The following TOP1 variants were observed in gnomAD, a reference collection of about 807,000 sequenced individuals.
TOP1 encodes the protein DNA topoisomerase I.
In TOP1, 10 loss-of-function variants were observed where a neutral mutation model predicts 111.1. That is an observed-to-expected ratio of 0.09 (90% CI 0.06 to 0.15). The LOEUF (loss-of-function observed/expected upper bound fraction) is 0.15. Among genes scored for constraint, TOP1 ranks in the 10% least tolerant of loss-of-function variants. The probability of loss-of-function intolerance (pLI) is 1.00; values close to 1 mark genes in which losing one functional copy is unlikely to be tolerated. For synonymous variants in TOP1, 271 were observed against 302.9 expected (o/e 0.89, Z 1.10); for missense variants, 474 against 926.7 (o/e 0.51, Z 6.34).
In TOP1 at chr20:41,080,466, ATTAT is replaced by A. The variant is rs2033776396; in HGVS notation, c.431+290_431+293del. ...ATAATACAGAATTCATGAAGAATAA[ATTAT>A]TTAAGTTACTTAAAATTTCTTATTG... On this transcript the variant is annotated intron_variant, in intron 6 of 20. Coordinates refer to ENST00000361337, the MANE Select transcript of TOP1 (RefSeq NM_003286.4). The surrounding 1 kb of genome is among the most constrained non-coding windows in gnomAD (Gnocchi z 5.0). 6.6e-6 allele frequency among the ~76,000 whole-genome samples: 1 copy of A among 152,222 alleles called. No individual in the cohort carries two copies. Among genetic ancestry groups the A allele is most frequent in the South Asian group, 2.1e-4 (1 of 4,836 alleles).
intron 9 of TOP1, among the ~76,000 whole-genome samples, chr20:41,093,896 C>T (rs1481557506): frequency 6.6e-6 from 1 of 151,886 alleles, no homozygotes; most frequent in Non-Finnish European, 1.5e-5. Flanking sequence ...TTTAAAATGC[C>T]ATATTTATTA....
At position 41,118,792 on chromosome 20, in the gene TOP1, A is replaced by T. The variant is rs2034374382; in HGVS notation, c.1950+496A>T. ...ATATTTTTATATAGTTCATCATCAA[A>T]CATCTGTTGAATACTGGCCGTGTGC... On this transcript the variant is annotated intron_variant, in intron 18 of 20. Transcript: ENST00000361337. This position sits in a 1 kb window ranked among gnomAD's most constrained non-coding sequence, Gnocchi z 4.6. 6.6e-6 allele frequency among the ~76,000 whole-genome samples: 1 copy of T among 152,246 alleles called. No individual in the cohort carries two copies. The highest frequency in any genetic ancestry group is 1.5e-5 in the Non-Finnish European group (1 of 68,040).
Position 41,032,017 on chromosome 20 carries a change from C to T in TOP1, c.58+2562C>T, listed in dbSNP as rs972743058. 6.6e-6 allele frequency among the ~76,000 whole-genome samples: 1 copy of T among 151,922 alleles called. No individual in the cohort carries two copies. The highest frequency in any genetic ancestry group is 1.5e-5 in the Non-Finnish European group (1 of 67,990). ...GCTATCTCAAGTAATACATTGTTAA[C>T]CAGTGATTGATTTATGTAACTATGA... is the stretch of plus-strand genomic sequence containing the variant. On this transcript the variant is annotated intron_variant, in intron 2 of 20. Transcript: ENST00000361337. This position sits in a 1 kb window ranked among gnomAD's most constrained non-coding sequence, Gnocchi z 4.3.
At chr20:41,064,989 C>T (rs1328270777) in intron 3 of TOP1, among the ~76,000 whole-genome samples, 3 of 152,084 alleles carry the variant, frequency 2.0e-5, no homozygotes, top group African/African-American at 7.2e-5. Flanking sequence ...ACTGCTATCT[C>T]CACCTCCCAG....
chr20:41,074,966 A>C (rs2033708760), intron 3 of TOP1, among the ~76,000 whole-genome samples: 1 of 152,088 alleles, frequency 6.6e-6, no homozygotes, highest in Non-Finnish European at 1.5e-5. Flanking sequence ...CAGTTATTTT[A>C]TTATATTCCT....
chr20:41,068,675 A>C (rs1472270864), intron 3 of TOP1, among the ~76,000 whole-genome samples: 1 of 152,240 alleles, frequency 6.6e-6, no homozygotes, highest in African/African-American at 2.4e-5. Flanking sequence ...GGTTACAGGC[A>C]TGAGCCACCA....
At chr20:41,074,684 T>G (rs891954793) in intron 3 of TOP1, among the ~76,000 whole-genome samples, 1 of 152,248 alleles carries the variant, frequency 6.6e-6, no homozygotes, top group Non-Finnish European at 1.5e-5. Context: ...TCTGCCTAAC[T>G]GCATGCCATC....
At chr20:41,105,869 CAT>C (rs1390546631) in intron 13 of TOP1, among the ~76,000 whole-genome samples, 6 of 152,156 alleles carry the variant, frequency 3.9e-5, no homozygotes, top group South Asian at 4.1e-4. Flanking sequence ...GGAAGAAACA[CAT>C]GTTTCTTGTG....
Position 41,123,089 on chromosome 20 carries a change from C to T in TOP1, c.2196-106C>T, listed in dbSNP as rs2034446853. 2 of 725,954 alleles carry T rather than the reference C, an allele frequency of 2.8e-6. No individual in the cohort carries two copies. Among genetic ancestry groups the T allele is most frequent in the Non-Finnish European group, 4.9e-6 (2 of 411,580 alleles). The allele number at this position is 725,954 out of a possible 1,614,324, so 45.0% of individuals were successfully genotyped here. ...TTGGTGCACTATTAATTTGCATCCT[C>T]ACTAGACAGATGTGAAAGAGAAGAT... On this transcript the variant is annotated intron_variant, in intron 20 of 20. Coordinates refer to ENST00000361337, the MANE Select transcript of TOP1 (RefSeq NM_003286.4). The surrounding 1 kb of genome is among the most constrained non-coding windows in gnomAD (Gnocchi z 5.8).
rs1037885155 is a variant in TOP1, at chr20:41,029,379, C to T, written c.34-52C>T. 8.1e-5 allele frequency: 116 copies of T among 1,432,920 alleles called. 2 individuals carry two copies. Among genetic ancestry groups the T allele is most frequent in the Middle Eastern group, 1.9e-4 (1 of 5,364 alleles). The allele number at this position is 1,432,920 out of a possible 1,614,324, so 88.8% of individuals were successfully genotyped here. On this transcript the variant is annotated intron_variant, in intron 1 of 20. Coordinates refer to ENST00000361337, the MANE Select transcript of TOP1 (RefSeq NM_003286.4). This position sits in a 1 kb window ranked among gnomAD's most constrained non-coding sequence, Gnocchi z 6.1. ...GACCCCGGCCGCGCGCGCTCGCCGC[C>T]GGAGGGGTTAAAGTGGCTGTTGTTT...
chr20:41,029,618 C>G lies in TOP1; in HGVS notation c.58+163C>G, dbSNP rs1216490316. 1.5e-6 allele frequency: 1 copy of G among 684,322 alleles called. No individual in the cohort carries two copies. The highest frequency in any genetic ancestry group is 2.6e-6 in the Non-Finnish European group (1 of 380,246). The allele number at this position is 684,322 out of a possible 1,614,324, so 42.4% of individuals were successfully genotyped here. A position where few individuals can be genotyped will look rare whatever the true frequency, so the allele number is the denominator to read the frequency against. ...TCCCATCGGGCCGCCTCTTGACCCC[C>G]TTTCCGGGGACCCCAGCTCCTCCAG... On this transcript the variant is annotated intron_variant, in intron 2 of 20. Transcript: ENST00000361337. The surrounding 1 kb of genome is among the most constrained non-coding windows in gnomAD (Gnocchi z 6.1).
At chr20:41,070,981 A>G (rs568178440) in intron 3 of TOP1, among the ~76,000 whole-genome samples, 2 of 152,340 alleles carry the variant, frequency 1.3e-5, no homozygotes, top group South Asian at 2.1e-4. Context: ...ACCGATATCA[A>G]ATGTGCTTAG....
Position 41,116,457 on chromosome 20 carries a change from C to T in TOP1, c.1822+65C>T. The T allele has an allele frequency of 7.7e-7, 1 of 1,303,898 alleles. No homozygotes were observed. The highest frequency in any genetic ancestry group is 1.2e-5 in the South Asian group (1 of 83,072). 80.8% of individuals were successfully genotyped at this position (1,303,898 alleles called of 1,614,324 possible). A position where few individuals can be genotyped will look rare whatever the true frequency, so the allele number is the denominator to read the frequency against. ...AATGGTATCCGGTGACCTTGCTTAT[C>T]TAAGGCCTAGAGTCAGTTCTACTTT... On this transcript the variant is annotated intron_variant, in intron 17 of 20. Coordinates refer to ENST00000361337, the MANE Select transcript of TOP1 (RefSeq NM_003286.4). The surrounding 1 kb of genome is among the most constrained non-coding windows in gnomAD (Gnocchi z 5.6).
intron 8 of TOP1, among the ~76,000 whole-genome samples, chr20:41,089,570 G>C (rs2033893817): frequency 6.6e-6 from 1 of 152,200 alleles, no homozygotes; most frequent in Non-Finnish European, 1.5e-5. Context: ...ATGGACATGG[G>C]TTATTTCTGC....
rs545092762 is a variant in TOP1 at position 41,028,870 on chromosome 20, G to C, written c.-198G>C. 7.2e-6 allele frequency: 4 copies of C among 558,926 alleles called. No individual in the cohort carries two copies. The South Asian group carries it at 8.3e-5, about 12-fold the overall frequency. The allele number at this position is 558,926 out of a possible 1,614,324, so 34.6% of individuals were successfully genotyped here. A position where few individuals can be genotyped will look rare whatever the true frequency, so the allele number is the denominator to read the frequency against. ...ACAACTGCTGGGGTCTGTTCTCGCC[G>C]CCCGCCCGGCAGTCAGGCAGCGTCG... On this transcript the variant is annotated 5_prime_UTR_variant, in exon 1 of 21. Transcript: ENST00000361337.
At position 41,102,384 on chromosome 20, in the gene TOP1, C is replaced by T. The variant is rs539504195; in HGVS notation, c.1308+1031C>T. 4.6e-5 allele frequency among the ~76,000 whole-genome samples: 7 copies of T among 152,228 alleles called. No individual in the cohort carries two copies. Among genetic ancestry groups the T allele is most frequent in the African/African-American group, 7.2e-5 (3 of 41,534 alleles). On this transcript the variant is annotated intron_variant, in intron 13 of 20. Coordinates refer to ENST00000361337, the MANE Select transcript of TOP1 (RefSeq NM_003286.4). The surrounding 1 kb of genome is among the most constrained non-coding windows in gnomAD (Gnocchi z 4.0). Reference sequence around the variant, plus strand: ...CAGCACTTTGGGAGGCCGAGATGGGCGGATCACCTGAGGTCAGGAGTTCGA... The same window carrying T: ...CAGCACTTTGGGAGGCCGAGATGGGTGGATCACCTGAGGTCAGGAGTTCGA...
At position 41,101,423 on chromosome 20, in the gene TOP1, C is replaced by A. The variant is rs761210184; in HGVS notation, c.1308+70C>A. ...CCTTTTTTTGTTGAAATGTAACGTT[C>A]TCGTCCTCTAGAATCACTTTGACAA... On this transcript the variant is annotated intron_variant, in intron 13 of 20. Coordinates refer to ENST00000361337, the MANE Select transcript of TOP1 (RefSeq NM_003286.4). The surrounding 1 kb of genome is among the most constrained non-coding windows in gnomAD (Gnocchi z 4.1). 13 of 1,477,484 alleles carry A rather than the reference C, an allele frequency of 8.8e-6. No individual in the cohort carries two copies. Among genetic ancestry groups the A allele is most frequent in the Non-Finnish European group, 1.1e-5 (12 of 1,086,218 alleles). The allele number at this position is 1,477,484 out of a possible 1,614,324, so 91.5% of individuals were successfully genotyped here. A position where few individuals can be genotyped will look rare whatever the true frequency, so the allele number is the denominator to read the frequency against.
intron 2 of TOP1, among the ~76,000 whole-genome samples, chr20:41,047,938 G>C (rs556522649): frequency 2.6e-5 from 4 of 152,114 alleles, no homozygotes; most frequent in Non-Finnish European, 5.9e-5. Context: ...TAAAGAGCTT[G>C]ACTAACCCCC....
chr20:41,064,720 C>T (rs1398775441), intron 3 of TOP1, among the ~76,000 whole-genome samples: 2 of 152,142 alleles, frequency 1.3e-5, no homozygotes, highest in African/African-American at 4.8e-5. Context: ...TACCCTCCTT[C>T]TCATATTAAA....
Sources: gnomAD v4.1 joint callset for allele counts (sites outside exome capture counted in the v4.1 genomes callset) on GRCh38, gnomAD v4.1.1 for gene constraint, Gnocchi (gnomAD v3.1) non-coding constraint, MANE v1.5 for transcripts, NCBI Gene and HGNC (gene_info 2026-07-23, HGNC 2026-07-21) for gene names.